PIK3R3: variants seen among roughly 807,000 people sequenced by gnomAD.
PIK3R3 encodes phosphoinositide-3-kinase regulatory subunit 3, also known as phosphatidylinositol 3-kinase regulatory subunit gamma.
In PIK3R3, 64 loss-of-function variants were observed where a neutral mutation model predicts 62.9. That is an observed-to-expected ratio of 1.02 (90% CI 0.83 to 1.25). The LOEUF is 1.25. Among genes scored for constraint, PIK3R3 ranks in the 50% most tolerant of loss-of-function variants. The pLI, the probability that PIK3R3 is intolerant of heterozygous loss-of-function variation, is 0.00. For synonymous variants in PIK3R3, 165 were observed against 189.0 expected (o/e 0.87, Z 1.04); for missense variants, 614 against 561.6 (o/e 1.09, Z -0.94).
chr1:46,045,058 T>C (rs1647073841), intron 9 of PIK3R3, among the ~76,000 whole-genome samples: 1 of 152,242 alleles, frequency 6.6e-6, no homozygotes, highest in African/African-American at 2.4e-5. Flanking sequence ...ATCATCATCA[T>C]ATTAGTAGGT....
At position 46,065,405 on chromosome 1, in the gene PIK3R3, A is replaced by G. The variant is rs150020268; in HGVS notation, c.621+649T>C. On this transcript the variant is annotated intron_variant, in intron 5 of 9. Transcript: ENST00000262741. ...TGATCTAAAAACTGTGTAGCTAACTAAGTCTACTAGTAAGCCCACAATTTC... is the reference window on the plus strand; with the variant it reads ...TGATCTAAAAACTGTGTAGCTAACTGAGTCTACTAGTAAGCCCACAATTTC... Among the ~76,000 whole-genome samples the G allele has an allele frequency of 5.3e-4, 80 of 152,330 alleles. No individual in the cohort carries two copies. In the East Asian group the frequency reaches 0.015, roughly 28 times the overall value.
chr1:46,132,149 C>A lies in PIK3R3; in HGVS notation c.-197G>T. 1.5e-6 allele frequency: 2 copies of A among 1,357,400 alleles called. No homozygotes were observed. Among genetic ancestry groups the A allele is most frequent in the East Asian group, 2.9e-5 (1 of 33,964 alleles). 84.1% of individuals were successfully genotyped at this position (1,357,400 alleles called of 1,614,324 possible). On this transcript the variant is annotated 5_prime_UTR_variant, in exon 1 of 10. Transcript: ENST00000262741. ...CTCTCCTACAGAACACAACAAAATG[C>A]CCCCGAACTTTCAAGCTATGGGCTT...
rs1211413318 is a variant in PIK3R3 at position 46,046,054 on chromosome 1, G to A, written c.1051C>T (p.Pro351Ser). Residue 351 changes from proline (P) to serine (S), a missense_variant, in exon 9 of 10, where the codon CCC (proline) becomes TCC (serine). Physicochemically the swap from Pro to Ser is moderately conservative, Grantham distance 74 (BLOSUM62 -1). Coordinates refer to ENST00000262741, the MANE Select transcript of PIK3R3 (RefSeq NM_003629.4). Reference sequence around the variant, plus strand: ...AACCAGGTTTTCTCATCATAATGGGGCAGGTTTTCATCTTCCTCATTGATA... The same window carrying A: ...AACCAGGTTTTCTCATCATAATGGGACAGGTTTTCATCTTCCTCATTGATA... ...YFINEEDENL[P>S]HYDEKTWFVE... 1 of 1,607,526 alleles carries A rather than the reference G, an allele frequency of 6.2e-7. No homozygotes were observed. The highest frequency in any genetic ancestry group is 8.5e-7 in the Non-Finnish European group (1 of 1,174,970).
At chr1:46,136,029 C>CAAAAA (rs552872602), upstream of PIK3R3, among the ~76,000 whole-genome samples, 1 of 43,248 alleles carries the variant, frequency 2.3e-5, no homozygotes, top group African/African-American at 8.8e-5. Context: ...GACTCAGTCT[C>CAAAAA]AAAAAAAAAA....
intron 5 of PIK3R3, among the ~76,000 whole-genome samples, chr1:46,065,839 TA>T (rs1648937369): frequency 6.6e-6 from 1 of 152,254 alleles, no homozygotes; most frequent in African/African-American, 2.4e-5. Context: ...CCTTTGGTTT[TA>T]TTTTGTCACT....
At chr1:46,143,811 T>G in the PIK3R3 span, among the ~76,000 whole-genome samples, 5 of 152,160 alleles carry the variant, frequency 3.3e-5, no homozygotes, top group Admixed American at 6.5e-5. Flanking sequence ...TTTTATGTGT[T>G]GGGAACATTT....
At chr1:46,138,454 G>T in the PIK3R3 span, among the ~76,000 whole-genome samples, 1 of 152,088 alleles carries the variant, frequency 6.6e-6, no homozygotes, top group Non-Finnish European at 1.5e-5. Flanking sequence ...GAGCTCAGGA[G>T]TTCAAGACCA....
intron 7 of PIK3R3, among the ~76,000 whole-genome samples, chr1:46,050,121 CAAA>C (rs1265958044): frequency 2.5e-5 from 2 of 78,984 alleles, no homozygotes; most frequent in Non-Finnish European, 4.9e-5. Context: ...AACTCTGTCT[CAAA>C]AAAAAAAAAA....
intron 1 of PIK3R3, 54 bp downstream of exon 1, chr1:46,131,793 G>A (rs1655622269): frequency 6.5e-7 from 1 of 1,538,548 alleles, no homozygotes; most frequent in Non-Finnish European, 9.0e-7. Context: ...GCAAGCTCTT[G>A]GTAAATACAA....
intron 3 of PIK3R3, among the ~76,000 whole-genome samples, chr1:46,076,751 T>C (rs1184922107): frequency 6.6e-6 from 1 of 152,214 alleles, no homozygotes; most frequent in Non-Finnish European, 1.5e-5. Context: ...TCCTTAACCA[T>C]GTTAACCCTT....
At chr1:46,171,998 A>G in the PIK3R3 span, among the ~76,000 whole-genome samples, 1 of 152,088 alleles carries the variant, frequency 6.6e-6, no homozygotes, top group Non-Finnish European at 1.5e-5. Context: ...CCTGCAGCAC[A>G]TGGCTGAAGC....
the PIK3R3 span, among the ~76,000 whole-genome samples, chr1:46,169,278 G>T: frequency 4.9e-4 from 75 of 152,270 alleles, no homozygotes; most frequent in Non-Finnish European, 7.8e-4. Flanking sequence ...CTGGACCTCT[G>T]TTCCTTCATC....
chr1:46,067,650 ATAAT>A (rs1249687105), intron 3 of PIK3R3, among the ~76,000 whole-genome samples: 1 of 152,236 alleles, frequency 6.6e-6, no homozygotes, highest in Admixed American at 6.5e-5. Context: ...TTATAGCTGC[ATAAT>A]TAATCTAGAA....
the PIK3R3 span, among the ~76,000 whole-genome samples, chr1:46,159,667 T>C: frequency 2.6e-5 from 4 of 152,036 alleles, no homozygotes; most frequent in Non-Finnish European, 5.9e-5. Context: ...ATTTAGCTTG[T>C]AGATCACCAC....
chr1:46,125,542 C>T (rs1445727518), intron 1 of PIK3R3, among the ~76,000 whole-genome samples: 1 of 152,088 alleles, frequency 6.6e-6, no homozygotes, highest in African/African-American at 2.4e-5. Context: ...AGATATTTTC[C>T]CCAACCATAG....
At chr1:46,153,885 G>T in the PIK3R3 span, among the ~76,000 whole-genome samples, 1 of 152,186 alleles carries the variant, frequency 6.6e-6, no homozygotes, top group Non-Finnish European at 1.5e-5. Context: ...GTACCATGAG[G>T]CAATAAAGAA....
chr1:46,132,809 C>A, upstream of PIK3R3: 9 of 1,236,562 alleles, frequency 7.3e-6, no homozygotes, highest in Non-Finnish European at 9.4e-6. Flanking sequence ...TGCCTGAGAA[C>A]ATGTTCAAAA....
chr1:46,093,835 A>G (rs1334712164), intron 1 of PIK3R3, among the ~76,000 whole-genome samples: 1 of 150,586 alleles, frequency 6.6e-6, no homozygotes, highest in Non-Finnish European at 1.5e-5. Context: ...AGTCTGGGTG[A>G]CAGAGTGAGA....
chr1:46,089,776 G>A (rs1052106225), intron 1 of PIK3R3, among the ~76,000 whole-genome samples: 2 of 151,468 alleles, frequency 1.3e-5, no homozygotes, highest in African/African-American at 4.9e-5. Flanking sequence ...TGTGAACACT[G>A]TACAGTAATA....
Sources: allele counts gnomAD v4.1 joint callset (sites outside exome capture counted in the v4.1 genomes callset), GRCh38; gene constraint gnomAD v4.1.1; transcripts MANE v1.5; gene names NCBI Gene and HGNC (gene_info 2026-07-23, HGNC 2026-07-21).